RPRD1A: variants seen among roughly 807,000 people sequenced by gnomAD.
RPRD1A encodes regulation of nuclear pre-mRNA domain-containing protein 1A.
RPRD1A carries 9 observed loss-of-function variants against 37.8 expected under a neutral mutation model. The ratio of observed to expected loss-of-function variants is 0.24; its 90% CI spans 0.14 to 0.42. The LOEUF is 0.42. Among genes scored for constraint, RPRD1A ranks in the 10% least tolerant of loss-of-function variants. The pLI, the probability that RPRD1A is intolerant of heterozygous loss-of-function variation, is 1.00. For missense variants in RPRD1A, 255 were observed against 371.0 expected (o/e 0.69, Z 2.57); for synonymous variants, 138 against 139.7 (o/e 0.99, Z 0.08).
intron 1 of RPRD1A, 88 bp downstream of exon 1, chr18:36,067,166 G>C: frequency 7.0e-7 from 1 of 1,420,266 alleles, no homozygotes; most frequent in Non-Finnish European, 9.4e-7. Flanking sequence ...ACGCCGGGAA[G>C]CCGGGGGCGC....
intron 6 of RPRD1A, among the ~76,000 whole-genome samples, chr18:36,002,971 T>C (rs1304532022): frequency 6.6e-6 from 1 of 152,184 alleles, no homozygotes; most frequent in African/African-American, 2.4e-5. Context: ...TTGTCACCTG[T>C]AACACATCCA....
rs566975093 is a variant in RPRD1A, at chr18:35,998,009, T to C, written c.790-4709A>G. Reference sequence around the variant, plus strand: ...AACATCTTCATTCTAAGAAATAATATCCATGCAATCACAGGTTGGTTGTGC... The same window carrying C: ...AACATCTTCATTCTAAGAAATAATACCCATGCAATCACAGGTTGGTTGTGC... On this transcript the variant is annotated intron_variant, in intron 6 of 6. Coordinates refer to ENST00000399022, the MANE Select transcript of RPRD1A (RefSeq NM_018170.5). Among the ~76,000 whole-genome samples the C allele has an allele frequency of 6.8e-4, 104 of 152,336 alleles. 1 individual carries two copies. The highest frequency in any genetic ancestry group is 2.5e-3 in the African/African-American group (104 of 41,570).
intron 1 of RPRD1A, among the ~76,000 whole-genome samples, chr18:36,053,525 T>C (rs904014011): frequency 6.6e-6 from 1 of 152,192 alleles, no homozygotes; most frequent in African/African-American, 2.4e-5. Flanking sequence ...AATATAATAT[T>C]CCAGCGTGTG....
intron 1 of RPRD1A, among the ~76,000 whole-genome samples, chr18:36,061,095 AG>A (rs1156323630): frequency 6.6e-6 from 1 of 152,212 alleles, no homozygotes; most frequent in Admixed American, 6.5e-5. Flanking sequence ...TGCAGGCCCA[AG>A]CCCCCCTACC....
intron 1 of RPRD1A, among the ~76,000 whole-genome samples, chr18:36,051,930 G>A (rs1913424457): frequency 6.6e-6 from 1 of 152,040 alleles, no homozygotes; most frequent in Non-Finnish European, 1.5e-5. Context: ...ATTAACTAAT[G>A]ACTGAAAACT....
intron 1 of RPRD1A, among the ~76,000 whole-genome samples, chr18:36,043,539 A>G (rs374412736): frequency 9.2e-5 from 14 of 152,236 alleles, no homozygotes; most frequent in African/African-American, 2.7e-4. Context: ...AATGAATTAT[A>G]AAAGTCCTGA....
rs141025022 is a variant in RPRD1A at position 36,063,482 on chromosome 18, A to C, written c.151+3772T>G. On this transcript the variant is annotated intron_variant, in intron 1 of 6. Transcript: ENST00000399022. ...AGTACCCAGCTCATTCTTTTATTTT[A>C]AACAGTAGCTTCTCCCACTCTCACA... Among the ~76,000 whole-genome samples the C allele has an allele frequency of 8.6e-4, 131 of 151,854 alleles. 1 individual carries two copies. The East Asian group carries it at 0.017, about 20-fold the overall frequency.
intron 6 of RPRD1A, among the ~76,000 whole-genome samples, chr18:36,000,558 T>A (rs1365247936): frequency 6.6e-6 from 1 of 152,186 alleles, no homozygotes; most frequent in Admixed American, 6.5e-5. Flanking sequence ...AAACCGGTAA[T>A]GTTAAATTAT....
intron 6 of RPRD1A, among the ~76,000 whole-genome samples, chr18:36,015,173 T>TACACACATAC (rs1910449671): frequency 7.6e-6 from 1 of 130,916 alleles, no homozygotes; most frequent in Admixed American, 7.9e-5. Context: ...TACACATATA[T>TACACACATAC]ACACACACAC....
intron 1 of RPRD1A, among the ~76,000 whole-genome samples, chr18:36,052,541 A>C (rs1486099123): frequency 6.6e-6 from 1 of 152,160 alleles, no homozygotes; most frequent in South Asian, 2.1e-4. Flanking sequence ...AAAGGAGGAC[A>C]GGGCTATAGA....
intron 6 of RPRD1A, among the ~76,000 whole-genome samples, chr18:36,000,196 A>G (rs1425014242): frequency 6.6e-6 from 1 of 152,212 alleles, no homozygotes; most frequent in Non-Finnish European, 1.5e-5. Flanking sequence ...ACCTTCTGGG[A>G]AACAAATGCT....
At chr18:35,995,974 C>A (rs190578193) in intron 6 of RPRD1A, among the ~76,000 whole-genome samples, 1 of 152,118 alleles carries the variant, frequency 6.6e-6, no homozygotes, top group East Asian at 1.9e-4. Context: ...GGTCATCAGA[C>A]AAGGAAAGTC....
chr18:36,051,518 A>G (rs555530921), intron 1 of RPRD1A, among the ~76,000 whole-genome samples: 39 of 152,200 alleles, frequency 2.6e-4, no homozygotes, highest in Non-Finnish European at 3.8e-4. Context: ...AAAGAAAAAA[A>G]CAAATATTCT....
At chr18:36,050,782 C>T (rs116343950) in intron 1 of RPRD1A, among the ~76,000 whole-genome samples, 1,989 of 151,280 alleles carry the variant, frequency 0.013, 40 homozygotes, top group African/African-American at 0.046. Context: ...TGGGCTCAAG[C>T]AATCCAACCA....
chr18:36,002,688 C>G (rs1157388657), intron 6 of RPRD1A, among the ~76,000 whole-genome samples: 2 of 152,208 alleles, frequency 1.3e-5, no homozygotes, highest in Admixed American at 6.5e-5. Context: ...TTAGTCTCAT[C>G]ACTTCAAAAT....
intron 6 of RPRD1A, among the ~76,000 whole-genome samples, chr18:36,019,554 T>C (rs1054898697): frequency 6.6e-6 from 1 of 152,166 alleles, no homozygotes; most frequent in Admixed American, 6.5e-5. Flanking sequence ...CAGGGGTGGT[T>C]TGGCAGCAGT....
At chr18:36,052,158 G>GAAAAA (rs58995301) in intron 1 of RPRD1A, among the ~76,000 whole-genome samples, 1 of 143,828 alleles carries the variant, frequency 7.0e-6, no homozygotes, top group Non-Finnish European at 1.5e-5. Context: ...CATCCTAACA[G>GAAAAA]AAAAAAAAAA....
chr18:36,008,571 G>GTATATATCTATATATA (rs1359543093), intron 6 of RPRD1A, among the ~76,000 whole-genome samples: 1 of 27,934 alleles, frequency 3.6e-5, no homozygotes, highest in Admixed American at 5.2e-4. Context: ...GCAAGACCTT[G>GTATATATCTATATATA]TGTGTGTATA....
At chr18:36,030,931 T>C in intron 3 of RPRD1A, 26 bp from the exon 4 acceptor site, 1 of 1,598,938 alleles carries the variant, frequency 6.3e-7, no homozygotes, top group Non-Finnish European at 8.6e-7. Flanking sequence ...ATTTAAGTAT[T>C]AATGAAAGAA....
Sources: allele counts gnomAD v4.1 joint callset (sites outside exome capture counted in the v4.1 genomes callset), GRCh38; gene constraint gnomAD v4.1.1; transcripts MANE v1.5; gene names NCBI Gene and HGNC (gene_info 2026-07-23, HGNC 2026-07-21).